Variants in WNT9B observed in about 807,000 individuals in gnomAD.
WNT9B encodes Wnt family member 9B.
WNT9B carries 12 observed loss-of-function variants against 30.2 expected under a neutral mutation model. The observed-to-expected ratio is 0.40, with a 90% CI of 0.26 to 0.64. The LOEUF is 0.64. Ranked by LOEUF, WNT9B falls within the 30% of genes least tolerant of loss-of-function variation. WNT9B has a pLI of 0.42. For synonymous variants in WNT9B, 218 were observed against 216.9 expected, an observed-to-expected ratio of 1.01 and a Z score of -0.05; for missense variants, 442 against 485.2, an observed-to-expected ratio of 0.91 and a Z score of 0.84.
chr17:46,863,293 C>T (rs994669144), intron 1 of WNT9B, among the ~76,000 whole-genome samples: 21 of 152,358 alleles, frequency 1.4e-4, no homozygotes, highest in Middle Eastern at 3.4e-3. Context: ...CCGAACTGCA[C>T]TCCTTGCGTG....
intron 1 of WNT9B, among the ~76,000 whole-genome samples, chr17:46,838,973 G>T (rs2084666594): frequency 6.6e-6 from 1 of 152,074 alleles, no homozygotes; most frequent in African/African-American, 2.4e-5. Flanking sequence ...TTCCTCCCGG[G>T]TTCAAGCCAT....
chr17:46,844,305 C>CTTTTTTTT (rs34889221), intron 1 of WNT9B, among the ~76,000 whole-genome samples: 1 of 127,418 alleles, frequency 7.8e-6, no homozygotes, highest in Non-Finnish European at 1.6e-5. Flanking sequence ...AGTTAGCCAC[C>CTTTTTTTT]TTTTTTTTTT....
At chr17:46,856,997 T>C (rs1275908810) in intron 1 of WNT9B, among the ~76,000 whole-genome samples, 3 of 152,228 alleles carry the variant, frequency 2.0e-5, no homozygotes, top group Non-Finnish European at 2.9e-5. Context: ...TCTGGAAGTT[T>C]ATATCATGAA....
rs1243156507 is a variant in WNT9B, at chr17:46,876,561, C to A, written c.917C>A (p.Ser306Tyr). Residue 306 changes from serine (S) to tyrosine (Y), a missense_variant, in exon 4 of 4, where the codon TCC (serine) becomes TAC (tyrosine). Physicochemically the swap from Ser to Tyr is moderately radical, Grantham distance 144 (BLOSUM62 -2). Transcript: ENST00000290015. ...CCTGGCACAGCAGGTAGGGTGTGCT[C>A]CCGGGAGGCCAGCTGCAGCAGCCTG... ...YSPGTAGRVC[S>Y]REASCSSLCC... 2 of 1,613,530 alleles carry A rather than the reference C, an allele frequency of 1.2e-6. No individual in the cohort carries two copies. The highest frequency in any genetic ancestry group is 1.7e-6 in the Non-Finnish European group (2 of 1,180,024).
At chr17:46,870,227 G>A (rs910798105) in intron 1 of WNT9B, among the ~76,000 whole-genome samples, 2 of 152,110 alleles carry the variant, frequency 1.3e-5, no homozygotes, top group Admixed American at 6.6e-5. Flanking sequence ...AGCAGAAGTC[G>A]CCACTCACAC....
chr17:46,866,446 ATGTG>A (rs1468059873), intron 1 of WNT9B, among the ~76,000 whole-genome samples: 3 of 151,426 alleles, frequency 2.0e-5, no homozygotes, highest in Non-Finnish European at 4.4e-5. Flanking sequence ...ATGAATGTGG[ATGTG>A]TGTGTGAGGG....
In WNT9B at chr17:46,876,646, G is replaced by A; in HGVS notation, c.1002G>A (p.Gln334=). 6.2e-7 allele frequency: 1 copy of A among 1,607,352 alleles called. No individual in the cohort carries two copies. The highest frequency in any genetic ancestry group is 8.5e-7 in the Non-Finnish European group (1 of 1,175,256). The part of the protein sequence containing the change: ...SRLVAFSCHC[Q]VQWCCYVECQ... ...TGGTGGCCTTCTCCTGCCACTGCCA[G>A]GTGCAGTGGTGCTGCTACGTGGAGT... Residue 334 remains glutamine (Q), a synonymous_variant, in exon 4 of 4, where the codon CAG becomes CAA. Coordinates refer to ENST00000290015, the MANE Select transcript of WNT9B (RefSeq NM_003396.3).
chr17:46,863,977 A>G (rs1467944111), intron 1 of WNT9B, among the ~76,000 whole-genome samples: 4 of 152,176 alleles, frequency 2.6e-5, no homozygotes, highest in Admixed American at 2.6e-4. Context: ...GCAGGAGAAC[A>G]AGTGGAATCT....
At position 46,879,755 on chromosome 17, in the gene WNT9B, T is replaced by G. The variant is rs1411234191; in HGVS notation, c.*3037T>G. ...GAGCCCCAAAGCCTGGATACCACTG[T>G]GAGCCCAAGAACTCAGGGAAGCAGT... On this transcript the variant is annotated 3_prime_UTR_variant, in exon 4 of 4. Coordinates refer to ENST00000290015, the MANE Select transcript of WNT9B (RefSeq NM_003396.3). 1.3e-5 allele frequency among the ~76,000 whole-genome samples: 2 copies of G among 152,254 alleles called. No homozygotes were observed. The highest frequency in any genetic ancestry group is 4.8e-5 in the African/African-American group (2 of 41,476).
chr17:46,848,469 A>C (rs1351978740), upstream of WNT9B, among the ~76,000 whole-genome samples: 1 of 152,230 alleles, frequency 6.6e-6, no homozygotes, highest in Admixed American at 6.5e-5. Flanking sequence ...GGCAGAGGGA[A>C]GGTGGCAGAG....
At position 46,877,431 on chromosome 17, in the gene WNT9B, T is replaced by C. The variant is rs1378485210; in HGVS notation, c.*713T>C. Reference sequence around the variant, plus strand: ...CCTCATTCTTGTCTCGAGAGCTGGGTTATGCACACTCACCCAGCCGTGCTC... The same window carrying C: ...CCTCATTCTTGTCTCGAGAGCTGGGCTATGCACACTCACCCAGCCGTGCTC... On this transcript the variant is annotated 3_prime_UTR_variant, in exon 4 of 4. Transcript: ENST00000290015. Among the ~76,000 whole-genome samples, 4 of 152,100 alleles carry C rather than the reference T, an allele frequency of 2.6e-5. No individual in the cohort carries two copies. Among genetic ancestry groups the C allele is most frequent in the Admixed American group, 2.0e-4 (3 of 15,268 alleles).
At chr17:46,840,292 T>C (rs1052345979) in intron 1 of WNT9B, among the ~76,000 whole-genome samples, 16 of 152,120 alleles carry the variant, frequency 1.1e-4, no homozygotes, top group Non-Finnish European at 2.2e-4. Flanking sequence ...TTCACCGTGT[T>C]AGCCAGGATG....
exon 1 of WNT9B, chr17:46,833,217 G>A (rs1024394297): frequency 9.9e-6 from 4 of 405,384 alleles, no homozygotes; most frequent in Non-Finnish European, 2.0e-5. Context: ...CCGGGAAGCA[G>A]CATGTGCGTG....
At chr17:46,853,362 A>AT (rs1177674765) in intron 1 of WNT9B, among the ~76,000 whole-genome samples, 1 of 84,444 alleles carries the variant, frequency 1.2e-5, no homozygotes, top group African/African-American at 5.2e-5. Context: ...AATGCTAGTG[A>AT]CTTTTTTTTT....
Position 46,876,791 on chromosome 17 carries a change from C to A in WNT9B, c.*73C>A, listed in dbSNP as rs1037196402. 28 of 1,464,788 alleles carry A rather than the reference C, an allele frequency of 1.9e-5. No individual in the cohort carries two copies. Among genetic ancestry groups the A allele is most frequent in the Non-Finnish European group, 2.4e-5 (27 of 1,104,842 alleles). The allele number at this position is 1,464,788 out of a possible 1,614,324, so 90.7% of individuals were successfully genotyped here. A position where few individuals can be genotyped will look rare whatever the true frequency, so the allele number is the denominator to read the frequency against. ...CACCCTTCAAGCTGCCCAGCCGGCC[C>A]TCTGGGCAGACTGTCATCACATGCA... On this transcript the variant is annotated 3_prime_UTR_variant, in exon 4 of 4. Transcript: ENST00000290015.
At chr17:46,858,574 T>G (rs1031440578) in intron 1 of WNT9B, among the ~76,000 whole-genome samples, 2 of 152,156 alleles carry the variant, frequency 1.3e-5, no homozygotes, top group African/African-American at 4.8e-5. Flanking sequence ...GGAGCCTAAT[T>G]CTGTTGGTGG....
At chr17:46,884,908 T>C (rs2085470596), downstream of WNT9B, 1 of 339,926 alleles carries the variant, frequency 2.9e-6, no homozygotes, top group Non-Finnish European at 5.8e-6. Flanking sequence ...GGTTCAAATA[T>C]CTCCAGTGAA....
At chr17:46,867,335 T>C (rs1458001678) in intron 1 of WNT9B, among the ~76,000 whole-genome samples, 2 of 152,230 alleles carry the variant, frequency 1.3e-5, no homozygotes, top group Non-Finnish European at 2.9e-5. Context: ...GTAGCACAAC[T>C]AGGAAGAGGT....
chr17:46,873,940 G>A (rs1010343480), intron 2 of WNT9B, among the ~76,000 whole-genome samples: 17 of 149,386 alleles, frequency 1.1e-4, no homozygotes, highest in Non-Finnish European at 1.8e-4. Flanking sequence ...AGTGAGCCAA[G>A]ATTGTGTCAC....
Sources: allele counts gnomAD v4.1 joint callset (sites outside exome capture counted in the v4.1 genomes callset), GRCh38; gene constraint gnomAD v4.1.1; transcripts MANE v1.5; gene names NCBI Gene and HGNC (gene_info 2026-07-23, HGNC 2026-07-21).